The following DNAH9 variants were observed in gnomAD, a reference collection of about 807,000 sequenced individuals.
DNAH9 encodes dynein axonemal heavy chain 9, also known as DNAH9 variant protein.
A neutral mutation model predicts 471.6 loss-of-function variants in DNAH9; 345 were observed. The observed-to-expected ratio is 0.73, with a 90% CI of 0.67 to 0.80. The LOEUF (loss-of-function observed/expected upper bound fraction) is 0.80. DNAH9 is among the 30% of genes least tolerant of loss of function. DNAH9 has a pLI of 0.00. For synonymous variants in DNAH9, 2,093 were observed against 2,123.6 expected (o/e 0.99, Z 0.40); for missense variants, 5,407 against 5,609.2 (o/e 0.96, Z 1.15).
rs1241914150 is a variant in DNAH9 at position 11,640,399 on chromosome 17, C to T, written c.1901+15C>T. On this transcript the variant is annotated intron_variant, in intron 10 of 68. Transcript: ENST00000262442. ...ATCACACACCCGTGAGTATTGTGTT[C>T]CTGAAAGACAGGCTTGTCTTGGGCT... 1.3e-6 allele frequency: 2 copies of T among 1,533,032 alleles called. No individual in the cohort carries two copies. The allele number at this position is 1,533,032 out of a possible 1,614,324, so 95.0% of individuals were successfully genotyped here. A position where few individuals can be genotyped will look rare whatever the true frequency, so the allele number is the denominator to read the frequency against.
chr17:11,811,434 A>G (rs192674550), intron 45 of DNAH9, among the ~76,000 whole-genome samples: 8 of 152,266 alleles, frequency 5.3e-5, no homozygotes, highest in Non-Finnish European at 5.9e-5. Flanking sequence ...CTGTCTCCCC[A>G]GCTCTCTTAT....
Position 11,797,772 on chromosome 17 carries a change from T to C in DNAH9, c.8399T>C (p.Phe2800Ser). 1.2e-6 allele frequency: 2 copies of C among 1,613,958 alleles called. No homozygotes were observed. Among genetic ancestry groups the C allele is most frequent in the Non-Finnish European group, 1.7e-6 (2 of 1,179,956 alleles). Residue 2800 changes from phenylalanine (F) to serine (S), a missense_variant, in exon 43 of 69, where the codon TTT becomes TCT. Physicochemically the swap from Phe to Ser is radical, Grantham distance 155. This residue lies in a region of DNAH9 where 4,636 missense variants were observed against 4,900.3 expected (regional missense o/e 0.95). Coordinates refer to ENST00000262442, the MANE Select transcript of DNAH9 (RefSeq NM_001372.4). Reference sequence around the variant, plus strand: ...AACACAGTGATGGACCTAGTTCTCTTTGAGGATGCCATGCGCCATGTGTAA... The same window carrying C: ...AACACAGTGATGGACCTAGTTCTCTCTGAGGATGCCATGCGCCATGTGTAA... ...EVNTVMDLVL[F>S]EDAMRHVCHI...
At chr17:11,887,736 TCACACACACACA>T (rs35670481) in intron 57 of DNAH9, among the ~76,000 whole-genome samples, 20 of 147,504 alleles carry the variant, frequency 1.4e-4, no homozygotes, top group African/African-American at 4.3e-4. Flanking sequence ...ATACACACAG[TCACACACACACA>T]CACACACACA....
intron 32 of DNAH9, among the ~76,000 whole-genome samples, chr17:11,750,542 G>T (rs1393671581): frequency 3.3e-5 from 5 of 152,070 alleles, no homozygotes; most frequent in Non-Finnish European, 5.9e-5. Flanking sequence ...TACAGAGAAA[G>T]CTATAATGAA....
chr17:11,754,527 T>A (rs753245765), intron 33 of DNAH9, among the ~76,000 whole-genome samples: 1 of 152,228 alleles, frequency 6.6e-6, no homozygotes, highest in Non-Finnish European at 1.5e-5. Flanking sequence ...CAATTCTGAC[T>A]GGTGTGAGAT....
chr17:11,737,543 G>A (rs2075367476), intron 28 of DNAH9, among the ~76,000 whole-genome samples: 2 of 152,122 alleles, frequency 1.3e-5, no homozygotes, highest in Non-Finnish European at 2.9e-5. Context: ...AAGGCTGTGG[G>A]CTAGCCTGAA....
intron 57 of DNAH9, among the ~76,000 whole-genome samples, chr17:11,887,736 T>TCACACA (rs35670481): frequency 0.011 from 1,647 of 147,496 alleles, 31 homozygotes; most frequent in African/African-American, 0.037. Flanking sequence ...ATACACACAG[T>TCACACA]CACACACACA....
intron 5 of DNAH9, among the ~76,000 whole-genome samples, chr17:11,618,716 C>G (rs559036513): frequency 3.9e-5 from 6 of 152,088 alleles, no homozygotes; most frequent in African/African-American, 1.4e-4. Context: ...GAATAACTAA[C>G]ATTTTGCAGG....
chr17:11,921,409 G>A (rs770659192), intron 61 of DNAH9, among the ~76,000 whole-genome samples: 4 of 151,990 alleles, frequency 2.6e-5, no homozygotes, highest in South Asian at 2.1e-4. Flanking sequence ...GGTCAGTGAC[G>A]CACACCGTAA....
chr17:11,882,802 C>CA (rs1972771668), intron 55 of DNAH9: 1 of 389,928 alleles, frequency 2.6e-6, no homozygotes, highest in South Asian at 1.1e-4. Context: ...GAGGAGTTGG[C>CA]ATCTGAGCTA....
chr17:11,617,580 G>A lies in DNAH9; in HGVS notation c.1074G>A (p.Leu358=). The A allele has an allele frequency of 6.2e-7, 1 of 1,614,170 alleles. No individual in the cohort carries two copies. The highest frequency in any genetic ancestry group is 8.5e-7 in the Non-Finnish European group (1 of 1,180,046). Residue 358 remains leucine, a synonymous_variant, in exon 5 of 69, where the codon CTG becomes CTA. Transcript: ENST00000262442. ...AGTCCTACCGCTCCCCGGGAAGGCT[G>A]ACTGTGCTGCTCCAGGAGATTTGCA... ...TCKSYRSPGR[L]TVLLQEICNL... is the part of the protein sequence containing the mutation.
At chr17:11,751,643 T>C (rs1485765686) in intron 32 of DNAH9, among the ~76,000 whole-genome samples, 3 of 152,052 alleles carry the variant, frequency 2.0e-5, no homozygotes, top group African/African-American at 7.2e-5. Flanking sequence ...TTCTGAATAA[T>C]GATACAGTAA....
At chr17:11,950,782 G>C (rs1039925191) in intron 67 of DNAH9, among the ~76,000 whole-genome samples, 5 of 152,176 alleles carry the variant, frequency 3.3e-5, no homozygotes, top group African/African-American at 1.2e-4. Context: ...TGGTAACACA[G>C]AGTGAGCTGT....
At chr17:11,943,521 G>A (rs527806856) in intron 67 of DNAH9, among the ~76,000 whole-genome samples, 18 of 151,912 alleles carry the variant, frequency 1.2e-4, no homozygotes, top group Non-Finnish European at 2.5e-4. Context: ...TACTAAAAAT[G>A]CAGAAATTAG....
At chr17:11,826,820 C>CTTTTTTTTTTTTTT (rs760330537) in intron 48 of DNAH9, among the ~76,000 whole-genome samples, 1 of 103,022 alleles carries the variant, frequency 9.7e-6, no homozygotes, top group African/African-American at 4.0e-5. Flanking sequence ...TCCCTACTTT[C>CTTTTTTTTTTTTTT]TTTTTTTTTT....
At chr17:11,706,492 A>G (rs2074704001) in intron 26 of DNAH9, among the ~76,000 whole-genome samples, 1 of 152,160 alleles carries the variant, frequency 6.6e-6, no homozygotes, top group Admixed American at 6.5e-5. Context: ...ACAAGGCCAT[A>G]GTATAAAATA....
At chr17:11,647,261 T>G in intron 12 of DNAH9, 63 bp downstream of exon 12, 1 of 1,505,154 alleles carries the variant, frequency 6.6e-7, no homozygotes, top group Non-Finnish European at 9.1e-7. Flanking sequence ...CTCTGCTGAT[T>G]TCAAAAGCGT....
At position 11,797,707 on chromosome 17, in the gene DNAH9, C is replaced by G. The variant is rs757718899; in HGVS notation, c.8334C>G (p.Thr2778=). Residue 2778 remains threonine (T), a synonymous_variant, in exon 43 of 69, where the codon ACC becomes ACG. Transcript: ENST00000262442. ...CTGTACAGTCTTGGGAACTTTTGAC[C>G]CAGACTCTGGTGGAGGCCTTGGAGA... ...YMPVQSWELL[T]QTLVEALENH... is the part of the protein sequence containing the mutation. The G allele has an allele frequency of 8.1e-6, 13 of 1,614,168 alleles. No homozygotes were observed. In the South Asian group the frequency reaches 1.3e-4, roughly 16 times the overall value.
At position 11,742,275 on chromosome 17, in the gene DNAH9, A is replaced by G; in HGVS notation, c.6073A>G (p.Thr2025Ala). 2 of 1,613,938 alleles carry G rather than the reference A, an allele frequency of 1.2e-6. No homozygotes were observed. The highest frequency in any genetic ancestry group is 1.6e-4 in the Middle Eastern group (1 of 6,062). The change falls in exon 30 of 69, where the codon ACT becomes GCT. Residue 2025 changes from threonine to alanine, a missense_variant. This residue lies in a region of DNAH9 where 4,636 missense variants were observed against 4,900.3 expected (regional missense o/e 0.95). Transcript: ENST00000262442. ...EAQSLARKFITLYQLCKELLS... is the reference protein window; with the variant it reads ...EAQSLARKFIALYQLCKELLS... Reference sequence around the variant, plus strand: ...CCAGTCATTAGCCAGAAAGTTCATCACTCTTTACCAGTTGTGCAAAGAGCT... The same window carrying G: ...CCAGTCATTAGCCAGAAAGTTCATCGCTCTTTACCAGTTGTGCAAAGAGCT...
Sources: allele counts gnomAD v4.1 joint callset (sites outside exome capture counted in the v4.1 genomes callset), GRCh38; gene constraint gnomAD v4.1.1; regional missense constraint gnomAD v4.1.1; transcripts MANE v1.5; gene names NCBI Gene and HGNC (gene_info 2026-07-23, HGNC 2026-07-21).